Variants in CLEC16A observed in about 807,000 individuals in gnomAD.
CLEC16A encodes protein CLEC16A.
Under a neutral mutation model 109.5 loss-of-function variants are expected in CLEC16A, and 51 were observed. The ratio of observed to expected loss-of-function variants is 0.47; its 90% CI spans 0.37 to 0.59. The LOEUF (loss-of-function observed/expected upper bound fraction) is 0.59, where lower values mean the gene tolerates loss of function less well. Among genes scored for constraint, CLEC16A ranks in the 20% least tolerant of loss-of-function variants. The probability of loss-of-function intolerance (pLI) is 0.00; values close to 1 mark genes in which losing one functional copy is unlikely to be tolerated. For synonymous variants in CLEC16A, 673 were observed against 564.2 expected, an observed-to-expected ratio of 1.19 and a Z score of -2.73; for missense variants, 1,339 against 1,394.0, an observed-to-expected ratio of 0.96 and a Z score of 0.63.
intron 19 of CLEC16A, among the ~76,000 whole-genome samples, chr16:11,101,077 T>C (rs1450822726): frequency 6.6e-6 from 1 of 152,168 alleles, no homozygotes; most frequent in Non-Finnish European, 1.5e-5. Flanking sequence ...AAGGAACAAA[T>C]GTCATGTTAT....
At chr16:10,967,374 A>G (rs751028559) in intron 3 of CLEC16A, among the ~76,000 whole-genome samples, 7 of 152,062 alleles carry the variant, frequency 4.6e-5, no homozygotes, top group Non-Finnish European at 1.0e-4. Flanking sequence ...AACTGTTTTC[A>G]GTCCTGGAAT....
At chr16:10,974,544 C>A (rs901813884) in intron 7 of CLEC16A, among the ~76,000 whole-genome samples, 1 of 152,164 alleles carries the variant, frequency 6.6e-6, no homozygotes, top group African/African-American at 2.4e-5. Flanking sequence ...GCACCCCTCC[C>A]CAGTCGTACC....
At chr16:11,140,450 C>T (rs900852171) in intron 22 of CLEC16A, among the ~76,000 whole-genome samples, 15 of 152,214 alleles carry the variant, frequency 9.9e-5, no homozygotes, top group African/African-American at 2.4e-4. Flanking sequence ...GCCAGATTTC[C>T]AGCATGAAGC....
intron 19 of CLEC16A, among the ~76,000 whole-genome samples, chr16:11,072,671 A>G (rs2049137168): frequency 1.3e-5 from 2 of 152,200 alleles, no homozygotes. Context: ...TGCCTACCTC[A>G]GGACTGTTCT....
chr16:11,077,472 A>C (rs1228558297), intron 19 of CLEC16A, among the ~76,000 whole-genome samples: 1 of 110,804 alleles, frequency 9.0e-6, no homozygotes, highest in Admixed American at 1.1e-4. Context: ...ACTCTGTCTC[A>C]AAAAAAAAAA....
intron 4 of CLEC16A, among the ~76,000 whole-genome samples, chr16:10,970,036 T>C (rs80170645): frequency 2.6e-5 from 4 of 152,288 alleles, no homozygotes; most frequent in Non-Finnish European, 4.4e-5. Context: ...ATAAATAAAT[T>C]GCTCCTGTCC....
At chr16:11,010,610 A>G (rs2045343904) in intron 11 of CLEC16A, among the ~76,000 whole-genome samples, 1 of 152,186 alleles carries the variant, frequency 6.6e-6, no homozygotes, top group Non-Finnish European at 1.5e-5. Context: ...CTCCTGAAGC[A>G]TCATGAGCAT....
In CLEC16A at chr16:10,960,786, G is replaced by C. The variant is rs2042216593; in HGVS notation, c.210-1669G>C. ...TTGCTTATATTAATATGGACTCGTG[G>C]ATATTTATTTATACTTTGGGCTATA... On this transcript the variant is annotated intron_variant, in intron 2 of 23. Transcript: ENST00000409790. 2.6e-5 allele frequency among the ~76,000 whole-genome samples: 4 copies of C among 152,220 alleles called. No homozygotes were observed. In the South Asian group the frequency reaches 8.3e-4, roughly 32 times the overall value.
At chr16:11,037,623 TA>T (rs1251416200) in intron 13 of CLEC16A, among the ~76,000 whole-genome samples, 1 of 152,214 alleles carries the variant, frequency 6.6e-6, no homozygotes, top group African/African-American at 2.4e-5. Context: ...GGCCTGGTCC[TA>T]GTTTGCCTCT....
At chr16:11,033,916 G>C (rs1452759690) in intron 13 of CLEC16A, among the ~76,000 whole-genome samples, 1 of 152,194 alleles carries the variant, frequency 6.6e-6, no homozygotes, top group Admixed American at 6.5e-5. Context: ...AGTCCGCTGA[G>C]TCCTGGGCCA....
intron 19 of CLEC16A, among the ~76,000 whole-genome samples, chr16:11,081,551 A>G (rs1281038703): frequency 1.3e-5 from 2 of 151,794 alleles, no homozygotes; most frequent in Non-Finnish European, 2.9e-5. Flanking sequence ...ATCCTCCTCC[A>G]TGGCCATCTG....
intron 10 of CLEC16A, among the ~76,000 whole-genome samples, chr16:11,000,991 A>G (rs1027949875): frequency 6.6e-6 from 1 of 152,254 alleles, no homozygotes; most frequent in African/African-American, 2.4e-5. Flanking sequence ...ACATTATTTC[A>G]GACTCTGATA....
chr16:11,014,053 A>G (rs2045597097), intron 11 of CLEC16A, among the ~76,000 whole-genome samples: 1 of 152,234 alleles, frequency 6.6e-6, no homozygotes, highest in Non-Finnish European at 1.5e-5. Flanking sequence ...AATGCATGGA[A>G]TATTAGCAAA....
rs765187916 is a variant in CLEC16A at position 11,027,643 on chromosome 16, G to A, written c.1537+2722G>A. The A allele has an allele frequency of 7.1e-5, 110 of 1,550,368 alleles. 3 individuals are homozygous for A. The highest frequency in any genetic ancestry group is 1.7e-4 in the South Asian group (15 of 90,034). ...TTCCAGGAGATCTCATGGTTCTTGCGCCCTTTCCACCTCTCAGTGGCCCAT... is the reference window on the plus strand; with the variant it reads ...TTCCAGGAGATCTCATGGTTCTTGCACCCTTTCCACCTCTCAGTGGCCCAT... On this transcript the variant is annotated intron_variant, in intron 13 of 23. Transcript: ENST00000409790.
At chr16:11,117,282 C>T (rs931596112) in intron 19 of CLEC16A, among the ~76,000 whole-genome samples, 1 of 152,180 alleles carries the variant, frequency 6.6e-6, no homozygotes, top group Non-Finnish European at 1.5e-5. Context: ...AAACTGTATA[C>T]TTAAAATAGG....
At chr16:11,016,722 T>C (rs1394976155) in intron 11 of CLEC16A, among the ~76,000 whole-genome samples, 1 of 152,182 alleles carries the variant, frequency 6.6e-6, no homozygotes, top group Non-Finnish European at 1.5e-5. Context: ...CTTGTTTTTT[T>C]CCCAAAATTT....
intron 1 of CLEC16A, among the ~76,000 whole-genome samples, chr16:10,946,943 A>G (rs919401079): frequency 1.5e-4 from 23 of 152,262 alleles, no homozygotes; most frequent in Non-Finnish European, 2.6e-4. Flanking sequence ...GTCTTTCTGA[A>G]TAAAACTTCC....
chr16:10,964,386 A>G (rs1299658742), intron 3 of CLEC16A, among the ~76,000 whole-genome samples: 5 of 152,250 alleles, frequency 3.3e-5, no homozygotes. Flanking sequence ...CCCTTGACTC[A>G]GACTGAACCA....
chr16:11,095,767 G>A (rs998892203), intron 19 of CLEC16A, among the ~76,000 whole-genome samples: 1 of 147,226 alleles, frequency 6.8e-6, no homozygotes, highest in Non-Finnish European at 1.5e-5. Flanking sequence ...AGCCGAGATC[G>A]TACCGCTGCA....
Sources: allele counts gnomAD v4.1 joint callset (sites outside exome capture counted in the v4.1 genomes callset), GRCh38; gene constraint gnomAD v4.1.1; transcripts MANE v1.5; gene names NCBI Gene and HGNC (gene_info 2026-07-23, HGNC 2026-07-21).